C1QC: variants seen among roughly 807,000 people sequenced by gnomAD.
The protein encoded by C1QC is complement C1q C chain.
C1QC carries 4 observed loss-of-function variants against 5.9 expected under a neutral mutation model. That is an observed-to-expected ratio of 0.68 (90% CI 0.33 to 1.55). The LOEUF is 1.55. Among genes scored for constraint, C1QC ranks in the 40% most tolerant of loss-of-function variants. The pLI is 0.06. For missense variants in C1QC, 299 were observed against 326.9 expected, an observed-to-expected ratio of 0.91 and a Z score of 0.66; for synonymous variants, 166 against 153.8, an observed-to-expected ratio of 1.08 and a Z score of -0.59.
chr1:22,643,959 G>A, intron 1 of C1QC, 52 bp from the exon 2 acceptor site: 1 of 1,553,046 alleles, frequency 6.4e-7, no homozygotes, highest in Non-Finnish European at 8.7e-7. Context: ...GAATGAGAGG[G>A]TTGGGGGCAG....
At position 22,647,893 on chromosome 1, in the gene C1QC, G is replaced by A. The variant is rs1642404829; in HGVS notation, c.*110G>A. 4.6e-6 allele frequency: 3 copies of A among 650,380 alleles called. No homozygotes were observed. Among genetic ancestry groups the A allele is most frequent in the African/African-American group, 4.2e-5 (1 of 23,882 alleles). 40.3% of individuals were successfully genotyped at this position (650,380 alleles called of 1,614,324 possible). A position where few individuals can be genotyped will look rare whatever the true frequency, so the allele number is the denominator to read the frequency against. On this transcript the variant is annotated 3_prime_UTR_variant, in exon 3 of 3. Transcript: ENST00000374640. ...CTTGCCTAGACCATTCTCCCCACCAGATGGACTTCTCCTCCAGGGAGCCCA... is the reference window on the plus strand; with the variant it reads ...CTTGCCTAGACCATTCTCCCCACCAAATGGACTTCTCCTCCAGGGAGCCCA...
intron 2 of C1QC, among the ~76,000 whole-genome samples, chr1:22,644,490 G>A (rs905590664): frequency 1.6e-4 from 24 of 152,338 alleles, no homozygotes; most frequent in African/African-American, 5.5e-4. Flanking sequence ...AAGGTGGCCA[G>A]GAGGCTCACA....
Position 22,647,948 on chromosome 1 carries a change from C to T in C1QC, c.*165C>T. ...GACCCACCCCCACTGCACCCCCTCC[C>T]CATGGGTTCTCTCCTTCCTCTGAAC... On this transcript the variant is annotated 3_prime_UTR_variant, in exon 3 of 3. Coordinates refer to ENST00000374640, the MANE Select transcript of C1QC (RefSeq NM_172369.5). 3 of 890,226 alleles carry T rather than the reference C, an allele frequency of 3.4e-6. No individual in the cohort carries two copies. The highest frequency in any genetic ancestry group is 5.1e-6 in the Non-Finnish European group (3 of 588,978). 55.1% of individuals were successfully genotyped at this position (890,226 alleles called of 1,614,324 possible).
Position 22,647,457 on chromosome 1 carries a change from A to T in C1QC, c.412A>T (p.Ile138Phe), listed in dbSNP as rs1176934793. 6.2e-7 allele frequency: 1 copy of T among 1,614,152 alleles called. No individual in the cohort carries two copies. The highest frequency in any genetic ancestry group is 2.2e-5 in the East Asian group (1 of 44,852). The change falls in exon 3 of 3, where the codon ATC (isoleucine) becomes TTC (phenylalanine). Residue 138 changes from isoleucine (I) to phenylalanine (F), a missense_variant. Physicochemically the swap from Ile to Phe is conservative, Grantham distance 21 (BLOSUM62 0). This residue lies in a region of C1QC where 144 missense variants were observed against 155.1 expected (regional missense o/e 0.93). Transcript: ENST00000374640. Reference sequence around the variant, plus strand: ...CCAGCCCCCTGCACCCAACAGCCTGATCAGATTCAACGCGGTCCTCACCAA... The same window carrying T: ...CCAGCCCCCTGCACCCAACAGCCTGTTCAGATTCAACGCGGTCCTCACCAA... ...THQPPAPNSL[I>F]RFNAVLTNPQ...
rs1458842804 is a variant in C1QC, at chr1:22,644,003, C to T, written c.-13-8C>T. The stretch of plus-strand genomic sequence containing the variant: ...CTGGCGGGGACAGCTCAGCTCTCTC[C>T]CTCCCAGTTCCTTCTCCGGGATGGA... On this transcript the variant is annotated splice_polypyrimidine_tract_variant and splice_region_variant and intron_variant, in intron 1 of 2. Coordinates refer to ENST00000374640, the MANE Select transcript of C1QC (RefSeq NM_172369.5). 4 of 1,591,262 alleles carry T rather than the reference C, an allele frequency of 2.5e-6. No homozygotes were observed. In the East Asian group the frequency reaches 6.8e-5, roughly 27 times the overall value.
rs1256152325 is a variant in C1QC at position 22,647,950 on chromosome 1, A to T, written c.*167A>T. 3 of 732,552 alleles carry T rather than the reference A, an allele frequency of 4.1e-6. No individual in the cohort carries two copies. Among genetic ancestry groups the T allele is most frequent in the Non-Finnish European group, 6.0e-6 (3 of 503,840 alleles). The allele number at this position is 732,552 out of a possible 1,614,324, so 45.4% of individuals were successfully genotyped here. A position where few individuals can be genotyped will look rare whatever the true frequency, so the allele number is the denominator to read the frequency against. On this transcript the variant is annotated 3_prime_UTR_variant, in exon 3 of 3. Transcript: ENST00000374640. ...CCCACCCCCACTGCACCCCCTCCCC[A>T]TGGGTTCTCTCCTTCCTCTGAACTT...
At chr1:22,646,406 G>A (rs581452) in intron 2 of C1QC, among the ~76,000 whole-genome samples, 77,623 of 151,792 alleles carry the variant, frequency 0.51, 22,505 homozygotes, top group African/African-American at 0.8. Context: ...ACTGAAAGAT[G>A]CGCTTGATTG....
intron 2 of C1QC, among the ~76,000 whole-genome samples, chr1:22,646,295 A>C (rs1403440854): frequency 6.6e-6 from 1 of 152,208 alleles, no homozygotes; most frequent in Non-Finnish European, 1.5e-5. Context: ...AGTGGTTCCC[A>C]TGTGCTAACC....
At position 22,644,116 on chromosome 1, in the gene C1QC, C is replaced by A; in HGVS notation, c.93C>A (p.Gly31=). The A allele has an allele frequency of 6.3e-7, 1 of 1,582,700 alleles. No individual in the cohort carries two copies. The highest frequency in any genetic ancestry group is 8.6e-7 in the Non-Finnish European group (1 of 1,165,324). The change falls in exon 2 of 3, where the codon GGC becomes GGA. Residue 31 remains glycine, a synonymous_variant. Coordinates refer to ENST00000374640, the MANE Select transcript of C1QC (RefSeq NM_172369.5). ...CCCTCAGGGGCCAAGCCAACACAGG[C>A]TGCTACGGGATCCCAGGGATGCCCG... The part of the protein sequence containing the change: ...LLPLRGQANT[G]CYGIPGMPGL...
Position 22,647,243 on chromosome 1 carries a change from C to T in C1QC, c.198C>T (p.Pro66=), listed in dbSNP as rs536551988. ...PKGEPGIPAI[P]GIRGPKGQKG... is the part of the protein sequence containing the mutation. ...CATCTCCAGGAATCCCAGCCATTCC[C>T]GGGATCCGAGGACCCAAAGGGCAGA... The change falls in exon 3 of 3, where the codon CCC becomes CCT. Residue 66 remains proline (P), a synonymous_variant. Coordinates refer to ENST00000374640, the MANE Select transcript of C1QC (RefSeq NM_172369.5). 3.4e-4 allele frequency: 545 copies of T among 1,606,372 alleles called. 13 individuals are homozygous for T. In the South Asian group the frequency reaches 5.5e-3, roughly 16 times the overall value.
chr1:22,647,196 A>G (rs775278678), intron 2 of C1QC, 31 bp from the exon 3 acceptor site: 4 of 1,598,980 alleles, frequency 2.5e-6, no homozygotes, highest in Admixed American at 1.7e-5. Flanking sequence ...CCCCCACCCT[A>G]TCACTTTCTC....
intron 2 of C1QC, among the ~76,000 whole-genome samples, chr1:22,644,681 TA>T (rs2148295189): frequency 6.6e-6 from 1 of 152,312 alleles, no homozygotes; most frequent in South Asian, 2.1e-4. Flanking sequence ...TCCTCATCTG[TA>T]AAACGAGGAG....
intron 2 of C1QC, among the ~76,000 whole-genome samples, chr1:22,646,686 G>A (rs144050402): frequency 6.6e-6 from 1 of 152,234 alleles, no homozygotes; most frequent in African/African-American, 2.4e-5. Flanking sequence ...ACAAAATTAG[G>A]CAAAAGGTCT....
rs1256008474 is a variant in C1QC, at chr1:22,644,165, G to T, written c.142G>T (p.Asp48Tyr). 1 of 1,587,458 alleles carries T rather than the reference G, an allele frequency of 6.3e-7. No homozygotes were observed. The change falls in exon 2 of 3, where the codon GAT becomes TAT. Residue 48 changes from aspartate to tyrosine, a missense_variant. By Grantham distance (160) the Asp-to-Tyr change is radical. Around this residue, in one of 3 missense-constraint regions of C1QC, gnomAD observed 146 missense variants for 144.1 expected, o/e 1.01. Coordinates refer to ENST00000374640, the MANE Select transcript of C1QC (RefSeq NM_172369.5). ...MPGLPGAPGKDGYDGLPGPKG... is the reference protein window; with the variant it reads ...MPGLPGAPGKYGYDGLPGPKG... ...CGGCCTGCCCGGGGCACCAGGGAAG[G>T]ATGGGTACGACGGACTGCCGGGGCC...
In C1QC at chr1:22,647,601, G is replaced by A. The variant is rs1443671381; in HGVS notation, c.556G>A (p.Gly186Ser). 1.9e-5 allele frequency: 30 copies of A among 1,614,204 alleles called. No homozygotes were observed. Among genetic ancestry groups the A allele is most frequent in the Middle Eastern group, 1.6e-4 (1 of 6,062 alleles). Residue 186 changes from glycine (G) to serine (S), a missense_variant, in exon 3 of 3, where the codon GGC becomes AGC. Around this residue, in one of 3 missense-constraint regions of C1QC, gnomAD observed 144 missense variants for 155.1 expected, o/e 0.93. Coordinates refer to ENST00000374640, the MANE Select transcript of C1QC (RefSeq NM_172369.5). Reference sequence around the variant, plus strand: ...CCTGTGCGTGCTGCTGTACCGCAGCGGCGTCAAAGTGGTCACCTTCTGTGG... The same window carrying A: ...CCTGTGCGTGCTGCTGTACCGCAGCAGCGTCAAAGTGGTCACCTTCTGTGG... Reference protein sequence around the residue: ...ANLCVLLYRSGVKVVTFCGHT... With the variant: ...ANLCVLLYRSSVKVVTFCGHT...
Position 22,648,032 on chromosome 1 carries a change from C to T in C1QC, c.*249C>T, listed in dbSNP as rs896154691. ...GACACTTAACCAATGCCTTCTGGTA[C>T]TGCCATTCTTTTTTTTTTTTTTTTC... On this transcript the variant is annotated 3_prime_UTR_variant, in exon 3 of 3. Transcript: ENST00000374640. 3.5e-5 allele frequency: 15 copies of T among 423,568 alleles called. No individual in the cohort carries two copies. Among genetic ancestry groups the T allele is most frequent in the South Asian group, 3.5e-4 (12 of 34,122 alleles). 26.2% of individuals were successfully genotyped at this position (423,568 alleles called of 1,614,324 possible).
chr1:22,643,756 T>C (rs1465629733), intron 1 of C1QC, 42 bp downstream of exon 1: 2 of 1,317,952 alleles, frequency 1.5e-6, no homozygotes, highest in Non-Finnish European at 1.9e-6. Flanking sequence ...AGATGGCCGT[T>C]TCCTCCACCT....
At chr1:22,646,574 G>A (rs1364466371) in intron 2 of C1QC, among the ~76,000 whole-genome samples, 1 of 152,206 alleles carries the variant, frequency 6.6e-6, no homozygotes, top group Non-Finnish European at 1.5e-5. Context: ...CATACAAGCT[G>A]TGTCACTGGG....
chr1:22,645,606 G>A (rs1207479604), intron 2 of C1QC, among the ~76,000 whole-genome samples: 1 of 152,154 alleles, frequency 6.6e-6, no homozygotes, highest in African/African-American at 2.4e-5. Context: ...AGGATGAGAC[G>A]CTGCTCTGCT....
Sources: gnomAD v4.1 joint callset for allele counts (sites outside exome capture counted in the v4.1 genomes callset) on GRCh38, gnomAD v4.1.1 for gene constraint, gnomAD v4.1.1 regional missense constraint, MANE v1.5 for transcripts, NCBI Gene and HGNC (gene_info 2026-07-23, HGNC 2026-07-21) for gene names.